CCSER1: variants seen among roughly 807,000 people sequenced by gnomAD.
The protein encoded by CCSER1 is coiled-coil serine rich protein 1, also known as serine-rich coiled-coil domain-containing protein 1.
Under a neutral mutation model 82.0 loss-of-function variants are expected in CCSER1, and 41 were observed. The observed-to-expected ratio is 0.50, with a 90% CI of 0.39 to 0.65. The LOEUF is 0.65. Ranked by LOEUF, CCSER1 falls within the 30% of genes least tolerant of loss-of-function variation. The probability of loss-of-function intolerance (pLI) is 0.00; values close to 1 mark genes in which losing one functional copy is unlikely to be tolerated. For missense variants in CCSER1, 1,119 were observed against 1,064.2 expected, an observed-to-expected ratio of 1.05 and a Z score of -0.72; for synonymous variants, 414 against 383.9, an observed-to-expected ratio of 1.08 and a Z score of -0.92.
intron 10 of CCSER1, among the ~76,000 whole-genome samples, chr4:91,473,755 C>T (rs1244662125): frequency 6.6e-6 from 1 of 152,050 alleles, no homozygotes; most frequent in Non-Finnish European, 1.5e-5. Context: ...TTACTATTAG[C>T]ATGAGACTCA....
intron 10 of CCSER1, among the ~76,000 whole-genome samples, chr4:91,087,253 C>A (rs185090050): frequency 6.6e-6 from 1 of 152,190 alleles, no homozygotes; most frequent in African/African-American, 2.4e-5. Flanking sequence ...TACTCGGCTT[C>A]TCCTTGCTGC....
At chr4:90,371,123 A>G (rs1747328677) in intron 3 of CCSER1, among the ~76,000 whole-genome samples, 1 of 152,150 alleles carries the variant, frequency 6.6e-6, no homozygotes, top group African/African-American at 2.4e-5. Flanking sequence ...CATATAAGGT[A>G]CAGCTGCATA....
intron 1 of CCSER1, among the ~76,000 whole-genome samples, chr4:90,210,401 T>G (rs1739734979): frequency 6.6e-6 from 1 of 152,138 alleles, no homozygotes; most frequent in South Asian, 2.1e-4. Context: ...CTATTTGTTG[T>G]ATGAGTTTCA....
At chr4:90,197,422 T>C (rs930689333) in intron 1 of CCSER1, among the ~76,000 whole-genome samples, 1 of 152,090 alleles carries the variant, frequency 6.6e-6, no homozygotes, top group Non-Finnish European at 1.5e-5. Flanking sequence ...AGCAATCTCA[T>C]TACTGGGTAT....
chr4:90,500,889 T>G (rs368187856), intron 5 of CCSER1, among the ~76,000 whole-genome samples: 347 of 152,122 alleles, frequency 2.3e-3, no homozygotes, highest in African/African-American at 8.0e-3. Flanking sequence ...AAAATATATA[T>G]GATGATAATA....
chr4:91,554,033 C>G (rs1762292827), intron 10 of CCSER1, among the ~76,000 whole-genome samples: 1 of 148,622 alleles, frequency 6.7e-6, no homozygotes, highest in African/African-American at 2.5e-5. Context: ...TTATAAACTT[C>G]CTTCTTAGAA....
At chr4:90,797,725 C>T (rs1756236620) in intron 7 of CCSER1, among the ~76,000 whole-genome samples, 1 of 152,148 alleles carries the variant, frequency 6.6e-6, no homozygotes, top group South Asian at 2.1e-4. Flanking sequence ...TTCTCCTCCT[C>T]TTATGAAGCT....
At chr4:90,273,703 A>G (rs968959034) in intron 1 of CCSER1, among the ~76,000 whole-genome samples, 10 of 152,144 alleles carry the variant, frequency 6.6e-5, no homozygotes, top group Admixed American at 3.9e-4. Context: ...TCTGAGGTCA[A>G]TCTCAAAACC....
At chr4:91,555,129 A>G (rs897558855) in intron 10 of CCSER1, among the ~76,000 whole-genome samples, 3 of 151,236 alleles carry the variant, frequency 2.0e-5, no homozygotes, top group Non-Finnish European at 4.4e-5. Flanking sequence ...GGTCTGCAAA[A>G]TGATTTTTTT....
chr4:91,015,287 C>T (rs987120715), intron 9 of CCSER1: 1 of 151,998 alleles, frequency 6.6e-6, no homozygotes, highest in African/African-American at 2.4e-5. Flanking sequence ...AAAAGTAATA[C>T]ATAATGAAAA....
chr4:90,691,655 A>G (rs1055257648), intron 6 of CCSER1, among the ~76,000 whole-genome samples: 1 of 151,594 alleles, frequency 6.6e-6, no homozygotes, highest in South Asian at 2.1e-4. Context: ...ATATATACAC[A>G]CATGCATATG....
intron 8 of CCSER1, among the ~76,000 whole-genome samples, chr4:90,849,067 T>G (rs1007531514): frequency 2.6e-5 from 4 of 152,184 alleles, no homozygotes; most frequent in South Asian, 2.1e-4. Flanking sequence ...AGTAAATTGG[T>G]ACTGCATTAA....
At chr4:90,585,833 C>A (rs1473940548) in intron 5 of CCSER1, among the ~76,000 whole-genome samples, 1 of 152,124 alleles carries the variant, frequency 6.6e-6, no homozygotes, top group African/African-American at 2.4e-5. Context: ...ATTGATACTA[C>A]TGATAAAAAT....
intron 1 of CCSER1, among the ~76,000 whole-genome samples, chr4:90,257,556 G>GATAGATAGATAGATAGATAGATAC (rs946997938): frequency 1.3e-3 from 148 of 109,950 alleles, no homozygotes; most frequent in African/African-American, 3.5e-3. Context: ...TAGATAGATA[G>GATAGATAGATAGATAGATAGATAC]ATAGATACAT....
chr4:90,841,350 G>T (rs1233428857), intron 8 of CCSER1, among the ~76,000 whole-genome samples: 3 of 151,938 alleles, frequency 2.0e-5, no homozygotes. Context: ...AGGCCGAGGC[G>T]GGTAGATCAC....
intron 10 of CCSER1, among the ~76,000 whole-genome samples, chr4:91,151,935 A>G (rs901236081): frequency 3.3e-5 from 5 of 152,220 alleles, no homozygotes; most frequent in Non-Finnish European, 7.3e-5. Context: ...TGGTGCTGAG[A>G]AGAATGTATA....
chr4:90,172,100 C>A (rs1409285248), intron 1 of CCSER1, among the ~76,000 whole-genome samples: 3 of 151,998 alleles, frequency 2.0e-5, no homozygotes, highest in South Asian at 4.1e-4. Flanking sequence ...AAAGGCCATG[C>A]TCTTTGCTCA....
In CCSER1 at chr4:91,166,769, TGAAA is replaced by T. The variant is rs149222569; in HGVS notation, c.2217+80778_2217+80781del. Among the ~76,000 whole-genome samples, 823 of 152,318 alleles carry T rather than the reference TGAAA, an allele frequency of 5.4e-3. 7 individuals carry two copies. Among genetic ancestry groups the T allele is most frequent in the African/African-American group, 0.019 (780 of 41,580 alleles). On this transcript the variant is annotated intron_variant, in intron 10 of 10. Coordinates refer to ENST00000509176, the MANE Select transcript of CCSER1 (RefSeq NM_001145065.2). The stretch of plus-strand genomic sequence containing the variant: ...AACTAGCTCCAAGTAAAGAGAACTT[TGAAA>T]GATTTACGTGTAAACAATTAATGCT...
At chr4:90,847,686 A>AG (rs1446561004) in intron 8 of CCSER1, among the ~76,000 whole-genome samples, 1 of 152,214 alleles carries the variant, frequency 6.6e-6, no homozygotes, top group Non-Finnish European at 1.5e-5. Context: ...AGAGAAAAAA[A>AG]GGAAAAAGTC....
Sources: allele counts gnomAD v4.1 joint callset (sites outside exome capture counted in the v4.1 genomes callset), GRCh38; gene constraint gnomAD v4.1.1; transcripts MANE v1.5; gene names NCBI Gene and HGNC (gene_info 2026-07-23, HGNC 2026-07-21).